HIVEP2: variants seen among roughly 807,000 people sequenced by gnomAD.
The protein encoded by HIVEP2 is transcription factor HIVEP2.
A neutral mutation model predicts 180.7 loss-of-function variants in HIVEP2; 14 were observed. The ratio of observed to expected loss-of-function variants is 0.08; its 90% confidence interval spans 0.05 to 0.12. The LOEUF (loss-of-function observed/expected upper bound fraction) is 0.12. Among genes scored for constraint, HIVEP2 ranks in the 10% least tolerant of loss-of-function variants. The probability of loss-of-function intolerance (pLI) is 1.00; values close to 1 mark genes in which losing one functional copy is unlikely to be tolerated. For missense variants in HIVEP2, 2,579 were observed against 3,008.5 expected, an observed-to-expected ratio of 0.86 and a Z score of 3.34; for synonymous variants, 1,184 against 1,136.4, an observed-to-expected ratio of 1.04 and a Z score of -0.84.
chr6:142,788,321 C>CT (rs1369029019), intron 2 of HIVEP2: 1 of 151,124 alleles, frequency 6.6e-6, no homozygotes, highest in Non-Finnish European at 1.5e-5. Context: ...AAAAAATCCC[C>CT]CCCTCAAAAA....
Position 142,879,726 on chromosome 6 carries a change from T to A in HIVEP2, c.-640-42679A>T, listed in dbSNP as rs537730302. Among the ~76,000 whole-genome samples, 3 of 152,212 alleles carry A rather than the reference T, an allele frequency of 2.0e-5. No individual in the cohort carries two copies. The East Asian group carries it at 5.8e-4, about 29-fold the overall frequency. On this transcript the variant is annotated intron_variant, in intron 1 of 9. Coordinates refer to ENST00000367603, the MANE Select transcript of HIVEP2 (RefSeq NM_006734.4). ...GCAGATCACACAGTCAGATACTTCATTAACACCCTCCCCAGGCTTCCACAG... is the reference window on the plus strand; with the variant it reads ...GCAGATCACACAGTCAGATACTTCAATAACACCCTCCCCAGGCTTCCACAG...
chr6:142,818,721 AAAG>A (rs1776924249), intron 2 of HIVEP2, among the ~76,000 whole-genome samples: 1 of 107,110 alleles, frequency 9.3e-6, no homozygotes, highest in Non-Finnish European at 2.0e-5. Flanking sequence ...GAAAGAAAGA[AAAG>A]AAAGAAAGAA....
At chr6:142,790,242 T>C (rs1776105473) in intron 2 of HIVEP2, among the ~76,000 whole-genome samples, 1 of 152,202 alleles carries the variant, frequency 6.6e-6, no homozygotes, top group South Asian at 2.1e-4. Flanking sequence ...CCACAGGCAC[T>C]ACTTCTTCTG....
chr6:142,891,131 T>G (rs1397046123), intron 1 of HIVEP2, among the ~76,000 whole-genome samples: 2 of 152,230 alleles, frequency 1.3e-5, no homozygotes, highest in Non-Finnish European at 2.9e-5. Flanking sequence ...CTTACATGCT[T>G]AAAGTTCTCT....
At chr6:142,789,337 G>A (rs1478632416) in intron 2 of HIVEP2, among the ~76,000 whole-genome samples, 1 of 152,140 alleles carries the variant, frequency 6.6e-6, no homozygotes, top group Non-Finnish European at 1.5e-5. Context: ...CCCAACATGT[G>A]TCCTTAAAAC....
intron 2 of HIVEP2, among the ~76,000 whole-genome samples, chr6:142,815,714 A>G (rs533534181): frequency 6.6e-6 from 1 of 152,228 alleles, no homozygotes; most frequent in Admixed American, 6.5e-5. Context: ...CATTGTGCTA[A>G]GCGTTTCACA....
At position 142,771,130 on chromosome 6, in the gene HIVEP2, A is replaced by C. The variant is rs1017933482; in HGVS notation, c.3609T>G (p.Asn1203Lys). Reference sequence around the variant, plus strand: ...TAGGATACTGAAACTGAAACAAGGCATTCTGGATTGGAGAAAATGGAATTG... The same window carrying C: ...TAGGATACTGAAACTGAAACAAGGCCTTCTGGATTGGAGAAAATGGAATTG... ...QETIPFSPIQ[N>K]ALFQFQYPTV... Residue 1203 changes from asparagine (N) to lysine (K), a missense_variant, in exon 5 of 10, where the codon AAT (asparagine) becomes AAG (lysine). Physicochemically the swap from Asn to Lys is moderately conservative, Grantham distance 94. This residue lies in a region of HIVEP2 where 523 missense variants were observed against 577.0 expected (regional missense o/e 0.91). Coordinates refer to ENST00000367603, the MANE Select transcript of HIVEP2 (RefSeq NM_006734.4). This position sits in a 1 kb window ranked among gnomAD's most constrained non-coding sequence, Gnocchi z 5.4. 1.4e-5 allele frequency: 22 copies of C among 1,614,244 alleles called. No individual in the cohort carries two copies. The highest frequency in any genetic ancestry group is 1.8e-5 in the Non-Finnish European group (21 of 1,180,038).
intron 2 of HIVEP2, among the ~76,000 whole-genome samples, chr6:142,809,143 T>C (rs927640132): frequency 6.6e-6 from 1 of 152,204 alleles, no homozygotes; most frequent in South Asian, 2.1e-4. Flanking sequence ...ATGTAAGGGA[T>C]GAATACTAGA....
intron 1 of HIVEP2, among the ~76,000 whole-genome samples, chr6:142,839,648 CCT>C (rs1174560987): frequency 6.6e-6 from 1 of 152,074 alleles, no homozygotes; most frequent in African/African-American, 2.4e-5. Flanking sequence ...AACCATGCTC[CCT>C]GAGTTCACCA....
In HIVEP2 at chr6:142,771,346, C is replaced by T; in HGVS notation, c.3393G>A (p.Gln1131=). The change falls in exon 5 of 10, where the codon CAG becomes CAA. Residue 1131 remains glutamine, a synonymous_variant. Coordinates refer to ENST00000367603, the MANE Select transcript of HIVEP2 (RefSeq NM_006734.4). The surrounding 1 kb of genome is among the most constrained non-coding windows in gnomAD (Gnocchi z 5.4). The part of the protein sequence containing the change: ...HGPPAVLPPL[Q]QEDPGKQVAG... Reference sequence around the variant, plus strand: ...CCACCTGCTTCCCTGGGTCCTCTTGCTGAAGAGGAGGCAGCACAGCAGGCG... The same window carrying T: ...CCACCTGCTTCCCTGGGTCCTCTTGTTGAAGAGGAGGCAGCACAGCAGGCG... 6.2e-7 allele frequency: 1 copy of T among 1,613,004 alleles called. No individual in the cohort carries two copies. The highest frequency in any genetic ancestry group is 8.5e-7 in the Non-Finnish European group (1 of 1,179,962).
intron 1 of HIVEP2, among the ~76,000 whole-genome samples, chr6:142,850,919 C>G (rs959213440): frequency 2.6e-5 from 4 of 152,156 alleles, no homozygotes; most frequent in African/African-American, 9.7e-5. Context: ...AAGCAAGAAA[C>G]CCAACTGAAA....
chr6:142,803,194 GC>G (rs1488182799), intron 2 of HIVEP2, among the ~76,000 whole-genome samples: 8 of 152,116 alleles, frequency 5.3e-5, no homozygotes, highest in African/African-American at 1.9e-4. Context: ...AAGTGCATAT[GC>G]CAGCATTTCA....
intron 7 of HIVEP2, among the ~76,000 whole-genome samples, chr6:142,763,343 C>T (rs150687337): frequency 3.9e-5 from 6 of 152,216 alleles, no homozygotes; most frequent in African/African-American, 7.2e-5. Context: ...TGTGCTCAGA[C>T]GACAATGTGG....
intron 1 of HIVEP2, among the ~76,000 whole-genome samples, chr6:142,915,963 T>C (rs1157093041): frequency 6.6e-6 from 1 of 152,190 alleles, no homozygotes; most frequent in African/African-American, 2.4e-5. Flanking sequence ...GTGAGCCCCA[T>C]CCCAATAAAT....
intron 2 of HIVEP2, among the ~76,000 whole-genome samples, chr6:142,793,673 T>TTCTTTCTTTCTTTCTTTCTTTC (rs1289211652): frequency 3.7e-5 from 4 of 107,424 alleles, no homozygotes; most frequent in African/African-American, 1.5e-4. Flanking sequence ...CTTTCTTTCT[T>TTCTTTCTTTCTTTCTTTCTTTC]TCTCTCTCTC....
At chr6:142,821,074 T>A (rs116596245) in intron 2 of HIVEP2, among the ~76,000 whole-genome samples, 2,216 of 152,292 alleles carry the variant, frequency 0.015, 62 homozygotes, top group African/African-American at 0.051. Context: ...GTCCTTGAAA[T>A]GGAGCCAGAG....
Position 142,768,549 on chromosome 6 carries a change from AAGAG to A in HIVEP2, c.5188-17_5188-14del, listed in dbSNP as rs760141868. ...CATCAGGTTTCATCTGTAAGACAAG[AAGAG>A]AGAATCATTTCACATGCTTTCTCCA... On this transcript the variant is annotated splice_polypyrimidine_tract_variant and intron_variant, in intron 5 of 9. Coordinates refer to ENST00000367603, the MANE Select transcript of HIVEP2 (RefSeq NM_006734.4). The A allele has an allele frequency of 6.2e-7, 1 of 1,611,496 alleles. No individual in the cohort carries two copies.
chr6:142,815,690 CATT>C (rs1194140038), intron 2 of HIVEP2, among the ~76,000 whole-genome samples: 1 of 152,180 alleles, frequency 6.6e-6, no homozygotes, highest in Non-Finnish European at 1.5e-5. Flanking sequence ...ATGGAGTACT[CATT>C]ATCTGTCAGG....
At chr6:142,821,748 T>A (rs1777045484) in intron 2 of HIVEP2, among the ~76,000 whole-genome samples, 1 of 152,194 alleles carries the variant, frequency 6.6e-6, no homozygotes. Context: ...AATACTCACA[T>A]TGCTTGAAAC....
Sources: allele counts gnomAD v4.1 joint callset (sites outside exome capture counted in the v4.1 genomes callset), GRCh38; gene constraint gnomAD v4.1.1; regional missense constraint gnomAD v4.1.1; non-coding constraint Gnocchi (gnomAD v3.1); transcripts MANE v1.5; gene names NCBI Gene and HGNC (gene_info 2026-07-23, HGNC 2026-07-21).